The following ANXA1 variants were observed in gnomAD, a reference collection of about 807,000 sequenced individuals.
ANXA1 encodes annexin I (lipocortin I).
Under a neutral mutation model 47.9 loss-of-function variants are expected in ANXA1, and 39 were observed. The ratio of observed to expected loss-of-function variants is 0.81; its 90% CI spans 0.63 to 1.06. The LOEUF is 1.06. Among genes scored for constraint, ANXA1 ranks in the 50% least tolerant of loss-of-function variants. The probability of loss-of-function intolerance (pLI) is 0.00; values close to 1 mark genes in which losing one functional copy is unlikely to be tolerated. For synonymous variants in ANXA1, 146 were observed against 142.5 expected (o/e 1.02, Z -0.17); for missense variants, 446 against 422.7 (o/e 1.06, Z -0.48).
At chr9:73,165,530 AAC>A in intron 9 of ANXA1, 1 of 169,336 alleles carries the variant, frequency 5.9e-6, no homozygotes, top group Non-Finnish European at 1.2e-5. Flanking sequence ...AATGAAGAAA[AAC>A]AAAAAAAAAA....
At chr9:73,163,582 G>T (rs1169020336) in intron 8 of ANXA1, 50 bp downstream of exon 8, 14 of 1,588,344 alleles carry the variant, frequency 8.8e-6, no homozygotes, top group Non-Finnish European at 1.1e-5. Context: ...CCTACCTTAA[G>T]TGGGGCTACC....
chr9:73,169,033 G>A lies in ANXA1; in HGVS notation c.863G>A (p.Gly288Asp), dbSNP rs781712414. Residue 288 changes from glycine to aspartate, a missense_variant and splice_region_variant, in exon 12 of 13, where the codon GGT becomes GAT. Coordinates refer to ENST00000257497, the MANE Select transcript of ANXA1 (RefSeq NM_000700.3). Reference sequence around the variant, plus strand: ...CTTACCCTCATTTATTTTGGCCAGGGTGTTGGAACTCGCCATAAGGCATTG... The same window carrying A: ...CTTACCCTCATTTATTTTGGCCAGGATGTTGGAACTCGCCATAAGGCATTG... ...FAEKLHQAMKGVGTRHKALIR... is the reference protein window; with the variant it reads ...FAEKLHQAMKDVGTRHKALIR... The A allele has an allele frequency of 3.1e-6, 5 of 1,608,790 alleles. No individual in the cohort carries two copies. Among genetic ancestry groups the A allele is most frequent in the Non-Finnish European group, 2.5e-6 (3 of 1,178,030 alleles).
In ANXA1 at chr9:73,163,511, CTT is replaced by C; in HGVS notation, c.592_593del (p.Leu198GlyfsTer2). ...RSEDFGVNED[L>X]ADSDARALYE... is the part of the protein sequence containing the mutation. ...CTGAGGACTTTGGTGTGAATGAAGA[CTT>C]GGCTGATTCAGATGCCAGGGTAAGG... On this transcript the variant is annotated frameshift_variant, in exon 8 of 13. Transcript: ENST00000257497. LOFTEE classifies it high-confidence loss of function. 6.2e-7 allele frequency: 1 copy of C among 1,612,922 alleles called. No homozygotes were observed.
chr9:73,166,328 A>G, intron 10 of ANXA1, 136 bp downstream of exon 10: 1 of 625,178 alleles, frequency 1.6e-6, no homozygotes, highest in Non-Finnish European at 2.7e-6. Flanking sequence ...CATCTGTTTC[A>G]ATTGAAGCAA....
At chr9:73,154,195 C>G (rs1349765333) in intron 1 of ANXA1, 10 of 690,914 alleles carry the variant, frequency 1.4e-5, no homozygotes, top group Non-Finnish European at 2.0e-5. Flanking sequence ...TTTCTCTCAC[C>G]AGGGAAGGTG....
chr9:73,159,232 TAAG>T lies in ANXA1; in HGVS notation c.176-93_176-91del, dbSNP rs1316698446. ...ATATAATTTATATTTCTTAATTTGT[TAAG>T]AAGTTCTTTTGGAGCATCTCAGTAA... On this transcript the variant is annotated intron_variant, in intron 3 of 12. Coordinates refer to ENST00000257497, the MANE Select transcript of ANXA1 (RefSeq NM_000700.3). The T allele has an allele frequency of 8.3e-5, 82 of 982,858 alleles. No individual in the cohort carries two copies. The East Asian group carries it at 1.9e-3, about 23-fold the overall frequency. The allele number at this position is 982,858 out of a possible 1,614,324, so 60.9% of individuals were successfully genotyped here. A position where few individuals can be genotyped will look rare whatever the true frequency, so the allele number is the denominator to read the frequency against.
rs750830827 is a variant in ANXA1 at position 73,162,836 on chromosome 9, G to A, written c.530G>A (p.Arg177Gln). 17 of 1,612,718 alleles carry A rather than the reference G, an allele frequency of 1.1e-5. No individual in the cohort carries two copies. Among genetic ancestry groups the A allele is most frequent in the Admixed American group, 8.4e-5 (5 of 59,864 alleles). ...DITSDTSGDF[R>Q]NALLSLAKGD... ...ACCTCAGACACATCTGGAGATTTTC[G>A]GAACGCTTTGCTTTCTCTTGCTAAG... The change falls in exon 7 of 13, where the codon CGG becomes CAG. Residue 177 changes from arginine to glutamine, a missense_variant. Coordinates refer to ENST00000257497, the MANE Select transcript of ANXA1 (RefSeq NM_000700.3).
At chr9:73,154,934 G>T (rs868022565) in intron 1 of ANXA1, among the ~76,000 whole-genome samples, 26 of 152,288 alleles carry the variant, frequency 1.7e-4, no homozygotes, top group Middle Eastern at 6.8e-3. Flanking sequence ...GTTCTAGATT[G>T]TAACCAGGAA....
Position 73,170,155 on chromosome 9 carries a change from T to C in ANXA1, c.*48T>C. ...CTATGATCAGAAGACTTTAATTATATATTTTCATCCTATAAGCTTAAATAG... is the reference window on the plus strand; with the variant it reads ...CTATGATCAGAAGACTTTAATTATACATTTTCATCCTATAAGCTTAAATAG... On this transcript the variant is annotated 3_prime_UTR_variant, in exon 13 of 13. Coordinates refer to ENST00000257497, the MANE Select transcript of ANXA1 (RefSeq NM_000700.3). The C allele has an allele frequency of 2.0e-6, 3 of 1,508,732 alleles. No individual in the cohort carries two copies. Among genetic ancestry groups the C allele is most frequent in the Non-Finnish European group, 2.7e-6 (3 of 1,105,810 alleles). The allele number at this position is 1,508,732 out of a possible 1,614,324, so 93.5% of individuals were successfully genotyped here.
At chr9:73,158,400 T>A (rs1189817468) in intron 1 of ANXA1, 122 bp from the exon 2 acceptor site, 1 of 720,840 alleles carries the variant, frequency 1.4e-6, no homozygotes, top group African/African-American at 1.8e-5. Context: ...GTGTAATTGA[T>A]CCTGGAAAGT....
At chr9:73,165,460 C>T (rs912407157) in intron 9 of ANXA1, 2 of 304,322 alleles carry the variant, frequency 6.6e-6, no homozygotes, top group East Asian at 6.3e-5. Flanking sequence ...GCTTTTACTC[C>T]CCTAAAAGAT....
intron 1 of ANXA1, among the ~76,000 whole-genome samples, chr9:73,153,947 G>T (rs1824008360): frequency 6.6e-6 from 1 of 152,168 alleles, no homozygotes; most frequent in Non-Finnish European, 1.5e-5. Flanking sequence ...AGCATGGAAG[G>T]TCACCGAATC....
chr9:73,154,416 T>A (rs1256698151), intron 1 of ANXA1: 3 of 1,214,500 alleles, frequency 2.5e-6, no homozygotes, highest in Non-Finnish European at 3.3e-6. Context: ...TTCTCTTTCT[T>A]TTCTTTTTTC....
intron 7 of ANXA1, 39 bp from the exon 8 acceptor site, chr9:73,163,437 G>A (rs1183263476): frequency 6.3e-7 from 1 of 1,586,016 alleles, no homozygotes; most frequent in South Asian, 1.1e-5. Flanking sequence ...GCAATTACAT[G>A]CTAGAGAAGA....
chr9:73,156,369 G>A (rs1332953963), intron 1 of ANXA1, among the ~76,000 whole-genome samples: 1 of 151,942 alleles, frequency 6.6e-6, no homozygotes, highest in African/African-American at 2.4e-5. Flanking sequence ...GGTGGAATAT[G>A]AAACTCCATG....
rs559549852 is a variant in ANXA1 at position 73,156,497 on chromosome 9, G to A, written c.-14-2025G>A. 1.7e-4 allele frequency among the ~76,000 whole-genome samples: 26 copies of A among 152,308 alleles called. No individual in the cohort carries two copies. The South Asian group carries it at 5.2e-3, about 30-fold the overall frequency. On this transcript the variant is annotated intron_variant, in intron 1 of 12. Transcript: ENST00000257497. Reference sequence around the variant, plus strand: ...GTCTATCAATTATATTTAGGAAACAGGCTGCTTTAAATGAATGGAAAAAGT... The same window carrying A: ...GTCTATCAATTATATTTAGGAAACAAGCTGCTTTAAATGAATGGAAAAAGT...
rs1824252028 is a variant in ANXA1, at chr9:73,167,517, C to A, written c.823C>A (p.Pro275Thr). ...AACAGTGAAGTGCGCCACAAGCAAA[C>A]CAGCTTTCTTTGCAGAGAAGCTTCA... ...TAIVKCATSK[P>T]AFFAEKLHQA... is the part of the protein sequence containing the mutation. The change falls in exon 11 of 13, where the codon CCA becomes ACA. Residue 275 changes from proline to threonine, a missense_variant. Pro to Thr is a conservative substitution (Grantham distance 38, BLOSUM62 -1). Coordinates refer to ENST00000257497, the MANE Select transcript of ANXA1 (RefSeq NM_000700.3). 1.2e-6 allele frequency: 2 copies of A among 1,613,442 alleles called. No individual in the cohort carries two copies. The highest frequency in any genetic ancestry group is 1.7e-6 in the Non-Finnish European group (2 of 1,179,554).
intron 10 of ANXA1, among the ~76,000 whole-genome samples, chr9:73,166,721 A>G (rs1464706241): frequency 4.6e-5 from 7 of 152,132 alleles, no homozygotes; most frequent in Admixed American, 1.3e-4. Context: ...ATTCATGACT[A>G]TGCACTTGAA....
chr9:73,156,583 G>C (rs1309376450), intron 1 of ANXA1, among the ~76,000 whole-genome samples: 1 of 152,124 alleles, frequency 6.6e-6, no homozygotes, highest in African/African-American at 2.4e-5. Flanking sequence ...AATTAAGTGG[G>C]GATGATTTCT....
Sources: gnomAD v4.1 joint callset for allele counts (sites outside exome capture counted in the v4.1 genomes callset) on GRCh38, gnomAD v4.1.1 for gene constraint, MANE v1.5 for transcripts, NCBI Gene and HGNC (gene_info 2026-07-23, HGNC 2026-07-21) for gene names.